KDSR: variants seen among roughly 807,000 people sequenced by gnomAD.
The protein encoded by KDSR is 3-dehydrosphinganine reductase.
In KDSR, 23 loss-of-function variants were observed where a neutral mutation model predicts 41.3. The observed-to-expected ratio is 0.56, with a 90% confidence interval of 0.40 to 0.79. The LOEUF (loss-of-function observed/expected upper bound fraction) is 0.79. Among genes scored for constraint, KDSR ranks in the 30% least tolerant of loss-of-function variants. KDSR has a pLI of 0.00. For synonymous variants in KDSR, 138 were observed against 151.7 expected, an observed-to-expected ratio of 0.91 and a Z score of 0.66; for missense variants, 351 against 416.8, an observed-to-expected ratio of 0.84 and a Z score of 1.37.
At chr18:63,348,239 G>T (rs921922339) in intron 6 of KDSR, among the ~76,000 whole-genome samples, 1 of 151,804 alleles carries the variant, frequency 6.6e-6, no homozygotes, top group Admixed American at 6.6e-5. Context: ...GGCCCAGGAA[G>T]TGGAGGCTAC....
At chr18:63,357,594 A>ATTTT (rs1230632686) in intron 3 of KDSR, among the ~76,000 whole-genome samples, 1,307 of 120,686 alleles carry the variant, frequency 0.011, 18 homozygotes, top group South Asian at 0.026. Flanking sequence ...ATATATATAT[A>ATTTT]TTTTTTTTTG....
chr18:63,335,485 G>A (rs1914127111), intron 8 of KDSR, 127 bp from the exon 9 acceptor site: 4 of 675,102 alleles, frequency 5.9e-6, no homozygotes, highest in Non-Finnish European at 1.0e-5. Context: ...ACAAAGCATT[G>A]ATCAGCACTC....
chr18:63,352,418 G>A (rs969568668), intron 5 of KDSR, among the ~76,000 whole-genome samples: 7 of 152,116 alleles, frequency 4.6e-5, no homozygotes, highest in African/African-American at 1.7e-4. Flanking sequence ...GGGTTCAAGC[G>A]ATTCTCCTGC....
chr18:63,341,392 G>T (rs965906286), intron 7 of KDSR, among the ~76,000 whole-genome samples: 2 of 151,336 alleles, frequency 1.3e-5, no homozygotes, highest in African/African-American at 4.9e-5. Context: ...ATGTAACCCA[G>T]TAGAAATAAA....
At chr18:63,362,937 C>T in intron 1 of KDSR, 69 bp from the exon 2 acceptor site, 2 of 962,360 alleles carry the variant, frequency 2.1e-6, no homozygotes, top group Non-Finnish European at 3.3e-6. Flanking sequence ...TTATAAAAAA[C>T]AACTATGACA....
At position 63,344,428 on chromosome 18, in the gene KDSR, G is replaced by C. The variant is rs745560359; in HGVS notation, c.675C>G (p.Ala225=). Residue 225 remains alanine, a synonymous_variant, in exon 7 of 10, where the codon GCC becomes GCG. Coordinates refer to ENST00000645214, the MANE Select transcript of KDSR (RefSeq NM_002035.4). Reference sequence around the variant, plus strand: ...TACTGACCTTTGTTCTGTTTTCTTCGGCAAAGCCAGGTGTGTCTGTGTCTG... The same window carrying C: ...TACTGACCTTTGTTCTGTTTTCTTCCGCAAAGCCAGGTGTGTCTGTGTCTG... ...YPPDTDTPGF[A]EENRTKPLET... 1 of 1,613,488 alleles carries C rather than the reference G, an allele frequency of 6.2e-7. No homozygotes were observed. The highest frequency in any genetic ancestry group is 1.7e-5 in the Admixed American group (1 of 60,006).
chr18:63,362,456 T>C (rs113570350), intron 2 of KDSR, among the ~76,000 whole-genome samples: 4,177 of 152,332 alleles, frequency 0.027, 76 homozygotes, highest in Middle Eastern at 0.054. Context: ...ACTTCTGACC[T>C]GGCCAAGGGC....
chr18:63,359,631 C>A, intron 3 of KDSR, 105 bp downstream of exon 3: 2 of 766,270 alleles, frequency 2.6e-6, no homozygotes, highest in South Asian at 2.9e-5. Context: ...AAAAACAGTA[C>A]ATATATGCTT....
In KDSR at chr18:63,351,127, G is replaced by A. The variant is rs558247035; in HGVS notation, c.418-48C>T. On this transcript the variant is annotated intron_variant, in intron 5 of 9. Transcript: ENST00000645214. Reference sequence around the variant, plus strand: ...ATGAGGTCAAAAGCCTCAAGGCTGTGCACATGGAGAATTTAGTCTGCTTTC... The same window carrying A: ...ATGAGGTCAAAAGCCTCAAGGCTGTACACATGGAGAATTTAGTCTGCTTTC... 9.7e-5 allele frequency: 139 copies of A among 1,432,874 alleles called. 2 individuals are homozygous for A. The South Asian group carries it at 1.8e-3, about 19-fold the overall frequency. The allele number at this position is 1,432,874 out of a possible 1,614,324, so 88.8% of individuals were successfully genotyped here.
intron 5 of KDSR, 102 bp downstream of exon 5, chr18:63,355,102 A>C (rs1419606352): frequency 1.3e-6 from 1 of 751,308 alleles, no homozygotes; most frequent in Admixed American, 2.3e-5. Flanking sequence ...GCTTCCATGG[A>C]CATCTGAATG....
At chr18:63,355,443 A>C in intron 4 of KDSR, 55 bp downstream of exon 4, 1 of 1,612,684 alleles carries the variant, frequency 6.2e-7, no homozygotes, top group South Asian at 1.1e-5. Context: ...CAAAATGGCA[A>C]GAACAAATCA....
At chr18:63,347,988 C>CA (rs1354737781) in intron 6 of KDSR, among the ~76,000 whole-genome samples, 1 of 151,984 alleles carries the variant, frequency 6.6e-6, no homozygotes, top group Non-Finnish European at 1.5e-5. Context: ...AAAGAATTGT[C>CA]AAAAATATTT....
chr18:63,340,454 T>TCC (rs1568277004), intron 7 of KDSR, among the ~76,000 whole-genome samples: 1 of 152,230 alleles, frequency 6.6e-6, no homozygotes, highest in Non-Finnish European at 1.5e-5. Context: ...GATTCACATT[T>TCC]ACAAAGTATT....
chr18:63,357,664 C>G (rs1455701454), intron 3 of KDSR, among the ~76,000 whole-genome samples: 1 of 149,398 alleles, frequency 6.7e-6, no homozygotes, highest in Non-Finnish European at 1.5e-5. Context: ...CTGCTCACCT[C>G]AAGCTTTGCC....
chr18:63,334,834 A>C (rs1390896507), intron 9 of KDSR, among the ~76,000 whole-genome samples: 1 of 152,172 alleles, frequency 6.6e-6, no homozygotes, highest in Non-Finnish European at 1.5e-5. Context: ...TTCGTGTCTC[A>C]CTAAATTTAG....
intron 6 of KDSR, chr18:63,345,557 G>A (rs1174215110): frequency 2.0e-5 from 3 of 152,162 alleles, no homozygotes; most frequent in Non-Finnish European, 4.4e-5. Flanking sequence ...GAAGTGGAGA[G>A]GCAGCTGATA....
intron 3 of KDSR, among the ~76,000 whole-genome samples, chr18:63,359,296 G>A (rs1914896385): frequency 6.6e-6 from 1 of 151,928 alleles, no homozygotes; most frequent in Non-Finnish European, 1.5e-5. Flanking sequence ...CAAGGCTGCT[G>A]TGGGGGCTTC....
chr18:63,361,626 C>A (rs1028316042), intron 2 of KDSR, among the ~76,000 whole-genome samples: 2 of 152,010 alleles, frequency 1.3e-5, no homozygotes, highest in African/African-American at 2.4e-5. Flanking sequence ...ACCAGCCTGA[C>A]CAACATGGTG....
At chr18:63,351,895 T>G (rs1914670618) in intron 5 of KDSR, among the ~76,000 whole-genome samples, 1 of 152,186 alleles carries the variant, frequency 6.6e-6, no homozygotes, top group Non-Finnish European at 1.5e-5. Context: ...GCAATCCTCC[T>G]GCCTCAGCCT....
Sources: gnomAD v4.1 joint callset for allele counts (sites outside exome capture counted in the v4.1 genomes callset) on GRCh38, gnomAD v4.1.1 for gene constraint, MANE v1.5 for transcripts, NCBI Gene and HGNC (gene_info 2026-07-23, HGNC 2026-07-21) for gene names.